The following RERE variants were observed in gnomAD, a reference collection of about 807,000 sequenced individuals.
RERE encodes the protein arginine-glutamic acid dipeptide repeats protein.
Under a neutral mutation model 146.1 loss-of-function variants are expected in RERE, and 40 were observed. The observed-to-expected ratio is 0.27, with a 90% confidence interval of 0.21 to 0.36. The LOEUF (loss-of-function observed/expected upper bound fraction) is 0.36, where lower values mean the gene tolerates loss of function less well. Ranked by LOEUF, RERE falls within the 10% of genes least tolerant of loss-of-function variation. The pLI is 1.00. For missense variants in RERE, 1,933 were observed against 2,138.7 expected (o/e 0.90, Z 1.90); for synonymous variants, 1,003 against 866.0 (o/e 1.16, Z -2.78).
chr1:8,668,078 C>T (rs962105685), intron 1 of RERE, among the ~76,000 whole-genome samples: 1 of 152,234 alleles, frequency 6.6e-6, no homozygotes, highest in Non-Finnish European at 1.5e-5. Context: ...CTGCTTTAAA[C>T]AAATTATTTG....
At chr1:8,502,291 T>C (rs1645179121) in intron 8 of RERE, among the ~76,000 whole-genome samples, 2 of 108,168 alleles carry the variant, frequency 1.8e-5, no homozygotes, top group African/African-American at 7.6e-5. Flanking sequence ...TACTGGGAAG[T>C]GAGGAGCCCC....
chr1:8,600,221 A>T (rs567658491), intron 4 of RERE, among the ~76,000 whole-genome samples: 31 of 152,250 alleles, frequency 2.0e-4, no homozygotes, highest in Admixed American at 6.5e-4. Flanking sequence ...TGGAACTGTG[A>T]GAGTCCATTA....
chr1:8,461,074 T>C (rs1003196381), intron 11 of RERE, among the ~76,000 whole-genome samples: 2 of 152,092 alleles, frequency 1.3e-5, no homozygotes, highest in African/African-American at 4.8e-5. Flanking sequence ...ATAAACAGAA[T>C]TAATAACCAC....
chr1:8,462,311 G>A (rs1034144821), intron 11 of RERE, among the ~76,000 whole-genome samples: 6 of 152,176 alleles, frequency 3.9e-5, no homozygotes, highest in South Asian at 2.1e-4. Flanking sequence ...TTACAAACTC[G>A]GAGGACAATC....
chr1:8,631,425 G>A (rs533632385), intron 2 of RERE, among the ~76,000 whole-genome samples: 5 of 152,240 alleles, frequency 3.3e-5, no homozygotes, highest in African/African-American at 1.2e-4. Flanking sequence ...AAATAACAGT[G>A]ATGTGGATGT....
At chr1:8,715,168 A>G (rs1639740409) in intron 1 of RERE, among the ~76,000 whole-genome samples, 1 of 146,920 alleles carries the variant, frequency 6.8e-6, no homozygotes, top group African/African-American at 2.5e-5. Context: ...CACCACGCCC[A>G]GCCCACAATA....
At chr1:8,624,224 C>T (rs1022998900) in intron 3 of RERE, 86 bp downstream of exon 3, 30 of 1,074,928 alleles carry the variant, frequency 2.8e-5, no homozygotes, top group African/African-American at 4.7e-5. Context: ...ACGTCAACAG[C>T]GATGGAGGAA....
intron 11 of RERE, among the ~76,000 whole-genome samples, chr1:8,453,229 T>C (rs1644409376): frequency 6.6e-6 from 1 of 152,228 alleles, no homozygotes; most frequent in Non-Finnish European, 1.5e-5. Flanking sequence ...AAGGACGATC[T>C]GAAAATAATT....
chr1:8,617,358 G>C (rs369793946), intron 3 of RERE, among the ~76,000 whole-genome samples: 1 of 78,934 alleles, frequency 1.3e-5, no homozygotes. Flanking sequence ...AAAAAAAAAA[G>C]AATTCCATCC....
intron 12 of RERE, among the ~76,000 whole-genome samples, chr1:8,412,515 C>T (rs1319115225): frequency 2.0e-5 from 3 of 152,220 alleles, no homozygotes; most frequent in African/African-American, 4.8e-5. Flanking sequence ...GTGGGACATA[C>T]AAAGTGTGTG....
At chr1:8,710,452 G>A (rs1639642916) in intron 1 of RERE, among the ~76,000 whole-genome samples, 1 of 152,204 alleles carries the variant, frequency 6.6e-6, no homozygotes, top group Non-Finnish European at 1.5e-5. Context: ...CAACATTAAG[G>A]TTGGGCATTA....
At chr1:8,588,493 G>C (rs138343358) in intron 4 of RERE, among the ~76,000 whole-genome samples, 102 of 152,182 alleles carry the variant, frequency 6.7e-4, no homozygotes, top group Non-Finnish European at 1.2e-3. Flanking sequence ...CTCTGGCCTA[G>C]GGCATCCCAC....
At chr1:8,655,907 C>T in intron 2 of RERE, 66 bp downstream of exon 2, 5 of 1,554,338 alleles carry the variant, frequency 3.2e-6, no homozygotes, top group Non-Finnish European at 4.3e-6. Flanking sequence ...GTATTTATTT[C>T]ACCATAATGC....
At chr1:8,696,825 G>C (rs1426297960) in intron 1 of RERE, among the ~76,000 whole-genome samples, 1 of 152,100 alleles carries the variant, frequency 6.6e-6, no homozygotes, top group Non-Finnish European at 1.5e-5. Context: ...CAGGAGTATA[G>C]CTTGAACCCA....
chr1:8,510,479 G>A (rs1266336296), intron 7 of RERE, among the ~76,000 whole-genome samples: 1 of 152,140 alleles, frequency 6.6e-6, no homozygotes, highest in Admixed American at 6.6e-5. Context: ...GTGGAAAAAC[G>A]AAGCTAAAAG....
Position 8,575,550 on chromosome 1 carries a change from TATATA to T in RERE, c.523-18032_523-18028del, listed in dbSNP as rs1452872580. On this transcript the variant is annotated intron_variant, in intron 4 of 22. Transcript: ENST00000400908. ...GGCTAATTTAATATATATATATATA[TATATA>T]TATATATTTTTTTTTTTTTTGGCAG... Among the ~76,000 whole-genome samples, 125 of 67,558 alleles carry T rather than the reference TATATA, an allele frequency of 1.9e-3. 1 individual carries two copies. The highest frequency in any genetic ancestry group is 1.9e-3 in the Admixed American group (13 of 6,950). 44.3% of individuals were successfully genotyped at this position (67,558 alleles called of 152,430 possible).
intron 1 of RERE, among the ~76,000 whole-genome samples, chr1:8,756,455 G>A (rs187425216): frequency 2.6e-5 from 4 of 152,102 alleles, no homozygotes; most frequent in African/African-American, 7.2e-5. Flanking sequence ...TAAAAGCCTC[G>A]ACTCTGCATC....
intron 19 of RERE, 100 bp from the exon 20 acceptor site, chr1:8,359,016 C>CT (rs1020919713): frequency 1.4e-6 from 2 of 1,384,970 alleles, no homozygotes; most frequent in Non-Finnish European, 1.9e-6. Flanking sequence ...CTGGCCTGCT[C>CT]TGACAGGCCA....
At chr1:8,373,825 C>G (rs1642134907) in intron 12 of RERE, among the ~76,000 whole-genome samples, 1 of 152,206 alleles carries the variant, frequency 6.6e-6, no homozygotes, top group South Asian at 2.1e-4. Context: ...CTGGGCAGAA[C>G]CAGCAGCGAT....
Sources: gnomAD v4.1 joint callset for allele counts (sites outside exome capture counted in the v4.1 genomes callset) on GRCh38, gnomAD v4.1.1 for gene constraint, MANE v1.5 for transcripts, NCBI Gene and HGNC (gene_info 2026-07-23, HGNC 2026-07-21) for gene names.